DOCK3: variants seen among roughly 807,000 people sequenced by gnomAD.
DOCK3 encodes the protein dedicator of cytokinesis 3.
A neutral mutation model predicts 265.6 loss-of-function variants in DOCK3; 60 were observed. The ratio of observed to expected loss-of-function variants is 0.23; its 90% CI spans 0.18 to 0.28. The LOEUF (loss-of-function observed/expected upper bound fraction) is 0.28. Ranked by LOEUF, DOCK3 falls within the 10% of genes least tolerant of loss-of-function variation. DOCK3 has a pLI of 1.00. For synonymous variants in DOCK3, 881 were observed against 938.0 expected, an observed-to-expected ratio of 0.94 and a Z score of 1.11; for missense variants, 1,981 against 2,594.3, an observed-to-expected ratio of 0.76 and a Z score of 5.14.
In DOCK3 at chr3:50,918,708, A is replaced by G. The variant is rs148431393; in HGVS notation, c.219-15273A>G. On this transcript the variant is annotated intron_variant, in intron 4 of 52. Transcript: ENST00000266037. The stretch of plus-strand genomic sequence containing the variant: ...GTAGAAATTTTCTCCCATTCTGTAG[A>G]TTGCCTGTTCACTCTGATGGTAGTT... Among the ~76,000 whole-genome samples the G allele has an allele frequency of 6.7e-4, 102 of 152,110 alleles. 1 individual carries two copies. In the East Asian group the frequency reaches 0.012, roughly 17 times the overall value.
chr3:51,379,300 C>T (rs2088408618), intron 51 of DOCK3: 1 of 812,216 alleles, frequency 1.2e-6, no homozygotes, highest in African/African-American at 1.9e-5. Flanking sequence ...CAGTGCCTTG[C>T]TTGGCCAGCG....
At chr3:50,885,364 G>GTTTTTTT (rs62977761) in intron 3 of DOCK3, among the ~76,000 whole-genome samples, 1 of 129,604 alleles carries the variant, frequency 7.7e-6, no homozygotes, top group Non-Finnish European at 1.7e-5. Context: ...TTTGTATGCA[G>GTTTTTTT]TTTTTTTTTT....
At chr3:50,860,745 C>G (rs1038416609) in intron 3 of DOCK3, among the ~76,000 whole-genome samples, 1 of 152,244 alleles carries the variant, frequency 6.6e-6, no homozygotes, top group Non-Finnish European at 1.5e-5. Context: ...TGCCCCTCCC[C>G]CTGGGAGCTC....
At chr3:50,940,340 A>G (rs551441611) in intron 5 of DOCK3, among the ~76,000 whole-genome samples, 6 of 151,954 alleles carry the variant, frequency 3.9e-5, no homozygotes, top group Non-Finnish European at 8.8e-5. Context: ...ACTTGGGCAT[A>G]AATCCAACAG....
At chr3:50,731,774 A>C (rs2038228147) in intron 1 of DOCK3, among the ~76,000 whole-genome samples, 1 of 152,202 alleles carries the variant, frequency 6.6e-6, no homozygotes, top group Admixed American at 6.5e-5. Context: ...TAATAATAAA[A>C]CCTAGAATGT....
chr3:50,677,404 T>C (rs1487917337), intron 1 of DOCK3, among the ~76,000 whole-genome samples: 2 of 152,248 alleles, frequency 1.3e-5, no homozygotes, highest in Non-Finnish European at 2.9e-5. Flanking sequence ...GCTTATACAT[T>C]ATACTTATGA....
chr3:50,699,408 T>C (rs1252689051), intron 1 of DOCK3, among the ~76,000 whole-genome samples: 1 of 152,032 alleles, frequency 6.6e-6, no homozygotes, highest in African/African-American at 2.4e-5. Context: ...TCCATGTGTA[T>C]TTTCAGATGG....
At chr3:51,303,343 T>C (rs182110028) in intron 27 of DOCK3, among the ~76,000 whole-genome samples, 10 of 152,336 alleles carry the variant, frequency 6.6e-5, no homozygotes, top group Admixed American at 6.5e-4. Context: ...CTTCTTTGCA[T>C]TGAGTTAGAA....
At chr3:51,095,464 AG>A (rs2082805162) in intron 9 of DOCK3, among the ~76,000 whole-genome samples, 1 of 151,998 alleles carries the variant, frequency 6.6e-6, no homozygotes, top group South Asian at 2.1e-4. Flanking sequence ...AAATTCTTTA[AG>A]AATGTTGACT....
rs745982691 is a variant in DOCK3, at chr3:51,315,004, C to T, written c.3278C>T (p.Pro1093Leu). The change falls in exon 32 of 53, where the codon CCG (proline) becomes CTG (leucine). Residue 1093 changes from proline to leucine, a missense_variant. Physicochemically the swap from Pro to Leu is moderately conservative, Grantham distance 98. Transcript: ENST00000266037. Reference protein sequence around the residue: ...NLGEHKIHFIPGMIGPFLGVT... With the variant: ...NLGEHKIHFILGMIGPFLGVT... ...GGTGAACATAAGATCCACTTTATTC[C>T]GGGAATGATTGGTCCTTTTCTGGGT... 9.9e-6 allele frequency: 16 copies of T among 1,608,656 alleles called. No homozygotes were observed. The highest frequency in any genetic ancestry group is 1.3e-5 in the African/African-American group (1 of 74,752).
At chr3:51,277,570 T>TTGCTGCTAATGGTGTGCTCTCA (rs2080883570) in intron 25 of DOCK3, 38 bp from the exon 26 acceptor site, 1 of 1,496,870 alleles carries the variant, frequency 6.7e-7, no homozygotes, top group African/African-American at 1.4e-5. Context: ...TCAGCCTGGC[T>TTGCTGCTAATGGTGTGCTCTCA]TGCTGCTAAT....
At chr3:51,000,745 T>C (rs2078453353) in intron 5 of DOCK3, among the ~76,000 whole-genome samples, 1 of 152,112 alleles carries the variant, frequency 6.6e-6, no homozygotes, top group South Asian at 2.1e-4. Context: ...CTCCGCCTCC[T>C]GGGTTCAAGC....
At chr3:50,966,551 T>G (rs1174272888) in intron 5 of DOCK3, among the ~76,000 whole-genome samples, 1 of 150,828 alleles carries the variant, frequency 6.6e-6, no homozygotes, top group Admixed American at 6.6e-5. Context: ...TGAGGTGATA[T>G]CTCATTTTAC....
chr3:51,258,625 TC>T (rs927282350), intron 22 of DOCK3, among the ~76,000 whole-genome samples: 1 of 152,110 alleles, frequency 6.6e-6, no homozygotes, highest in Non-Finnish European at 1.5e-5. Context: ...TGCCTCAGCC[TC>T]CCGAGTACAT....
intron 5 of DOCK3, among the ~76,000 whole-genome samples, chr3:50,996,034 C>T (rs986694639): frequency 3.3e-5 from 5 of 151,644 alleles, no homozygotes; most frequent in Non-Finnish European, 5.9e-5. Flanking sequence ...GCATCACACC[C>T]GGCTAATTTT....
At position 51,229,503 on chromosome 3, in the gene DOCK3, G is replaced by A. The variant is rs1215677772; in HGVS notation, c.1820-9G>A. 2.6e-6 allele frequency: 4 copies of A among 1,567,372 alleles called. No homozygotes were observed. Among genetic ancestry groups the A allele is most frequent in the East Asian group, 2.3e-5 (1 of 43,342 alleles). ...CAAGGGTTCCTCATCTTTTGGGCTT[G>A]CTTTCTAGTGGACCTCCTAGCTCTG... On this transcript the variant is annotated splice_polypyrimidine_tract_variant and intron_variant, in intron 18 of 52. Transcript: ENST00000266037.
chr3:50,947,024 A>G (rs2076446264), intron 5 of DOCK3, among the ~76,000 whole-genome samples: 1 of 152,180 alleles, frequency 6.6e-6, no homozygotes, highest in Non-Finnish European at 1.5e-5. Flanking sequence ...AAAACCAAAC[A>G]CAAACCTAAT....
intron 1 of DOCK3, among the ~76,000 whole-genome samples, chr3:50,690,229 G>A (rs569954599): frequency 6.6e-6 from 1 of 151,690 alleles, no homozygotes; most frequent in Non-Finnish European, 1.5e-5. Context: ...AAACTCTTGG[G>A]CTCAAGTGAT....
At chr3:50,690,314 T>A (rs1015664211) in intron 1 of DOCK3, among the ~76,000 whole-genome samples, 1 of 151,518 alleles carries the variant, frequency 6.6e-6, no homozygotes, top group Non-Finnish European at 1.5e-5. Context: ...TTAAATTTTT[T>A]GTATGGATGG....
Sources: allele counts gnomAD v4.1 joint callset (sites outside exome capture counted in the v4.1 genomes callset), GRCh38; gene constraint gnomAD v4.1.1; transcripts MANE v1.5; gene names NCBI Gene and HGNC (gene_info 2026-07-23, HGNC 2026-07-21).